Variants in EMP2 observed in about 807,000 individuals in gnomAD.
The protein encoded by EMP2 is epithelial membrane protein 2.
A neutral mutation model predicts 13.7 loss-of-function variants in EMP2; 19 were observed. The observed-to-expected ratio is 1.38, with a 90% CI of 0.97 to 2.03. The LOEUF (loss-of-function observed/expected upper bound fraction) is 2.03, where lower values mean the gene tolerates loss of function less well. Among genes scored for constraint, EMP2 ranks in the 30% most tolerant of loss-of-function variants. The pLI is 0.00. For synonymous variants in EMP2, 97 were observed against 84.7 expected, an observed-to-expected ratio of 1.15 and a Z score of -0.80; for missense variants, 253 against 220.7, an observed-to-expected ratio of 1.15 and a Z score of -0.93.
intron 1 of EMP2, among the ~76,000 whole-genome samples, chr16:10,553,742 T>G (rs551363414): frequency 6.6e-6 from 1 of 152,372 alleles, no homozygotes; most frequent in Admixed American, 6.5e-5. Context: ...ACACCACAAT[T>G]TACTTAACTG....
At chr16:10,543,534 A>C in intron 3 of EMP2, 36 bp downstream of exon 3, 2 of 1,607,348 alleles carry the variant, frequency 1.2e-6, no homozygotes, top group Non-Finnish European at 1.7e-6. Context: ...TTCCTCCCTC[A>C]GTGCTTCTCA....
intron 1 of EMP2, among the ~76,000 whole-genome samples, chr16:10,575,520 C>T (rs2050978515): frequency 6.6e-6 from 1 of 151,916 alleles, no homozygotes; most frequent in African/African-American, 2.4e-5. Context: ...TCCCAAAGTT[C>T]TGGGATTACA....
intron 4 of EMP2, among the ~76,000 whole-genome samples, chr16:10,533,478 G>A (rs1213123358): frequency 6.6e-6 from 1 of 152,132 alleles, no homozygotes; most frequent in Non-Finnish European, 1.5e-5. Context: ...TGTTTGGGCA[G>A]CCACATCACC....
chr16:10,543,112 C>G (rs1380538952), intron 3 of EMP2, among the ~76,000 whole-genome samples: 1 of 152,166 alleles, frequency 6.6e-6, no homozygotes, highest in Non-Finnish European at 1.5e-5. Flanking sequence ...TCCCAAAGTG[C>G]TGGGATTACA....
At chr16:10,546,486 T>G (rs902998390) in intron 2 of EMP2, 1 of 152,150 alleles carries the variant, frequency 6.6e-6, no homozygotes, top group African/African-American at 2.4e-5. Flanking sequence ...AAATTTTTCA[T>G]AGGGGCATAG....
At chr16:10,536,879 C>T (rs1040824068) in intron 4 of EMP2, among the ~76,000 whole-genome samples, 5 of 152,168 alleles carry the variant, frequency 3.3e-5, no homozygotes, top group African/African-American at 9.7e-5. Flanking sequence ...CATGGGCCTC[C>T]CAAAGTGCTC....
At chr16:10,533,690 C>T (rs767239662) in intron 4 of EMP2, among the ~76,000 whole-genome samples, 4 of 152,162 alleles carry the variant, frequency 2.6e-5, no homozygotes, top group Non-Finnish European at 1.5e-5. Context: ...AAACATGTGG[C>T]AGGCCAGATT....
At chr16:10,574,206 G>A (rs541672496) in intron 1 of EMP2, among the ~76,000 whole-genome samples, 9 of 152,112 alleles carry the variant, frequency 5.9e-5, no homozygotes, top group Non-Finnish European at 1.2e-4. Context: ...CCAAAGTGCT[G>A]GGATTAGAGG....
intron 1 of EMP2, among the ~76,000 whole-genome samples, chr16:10,566,907 C>T (rs578137752): frequency 2.0e-5 from 3 of 152,186 alleles, no homozygotes; most frequent in South Asian, 4.2e-4. Context: ...CCTTCTTTGT[C>T]CCCAACAAAC....
In EMP2 at chr16:10,537,910, G is replaced by C. The variant is rs2050661496; in HGVS notation, c.316+18C>G. On this transcript the variant is annotated intron_variant, in intron 4 of 4. Coordinates refer to ENST00000359543, the MANE Select transcript of EMP2 (RefSeq NM_001424.6). ...TTCCAGAAAGCCCCTTGTTAGGGAAGCCCGTTGATGTACTTACATGACATT... is the reference window on the plus strand; with the variant it reads ...TTCCAGAAAGCCCCTTGTTAGGGAACCCCGTTGATGTACTTACATGACATT... The C allele has an allele frequency of 1.9e-6, 3 of 1,609,780 alleles. No homozygotes were observed. Among genetic ancestry groups the C allele is most frequent in the Non-Finnish European group, 2.6e-6 (3 of 1,176,410 alleles).
chr16:10,538,189 G>A (rs1567201035), intron 3 of EMP2, 115 bp from the exon 4 acceptor site: 4 of 1,291,584 alleles, frequency 3.1e-6, no homozygotes, highest in Admixed American at 4.2e-5. Context: ...ACAGGAAGGG[G>A]TTCAGGCGGT....
chr16:10,559,305 C>T (rs916438963), intron 1 of EMP2, among the ~76,000 whole-genome samples: 18 of 152,358 alleles, frequency 1.2e-4, no homozygotes, highest in Admixed American at 7.8e-4. Flanking sequence ...GGACACCAGC[C>T]AGCCAGGAGT....
Position 10,580,472 on chromosome 16 carries a change from G to C in EMP2, c.-61+77C>G, listed in dbSNP as rs2051020057. On this transcript the variant is annotated intron_variant, in intron 1 of 4. Coordinates refer to ENST00000359543, the MANE Select transcript of EMP2 (RefSeq NM_001424.6). This position sits in a 1 kb window ranked among gnomAD's most constrained non-coding sequence, Gnocchi z 4.3. ...CCGGTCCAGTAAGTGGAGGGGTCGCGTCCCTGCTGCCCGGGCGTACACGAT... is the reference window on the plus strand; with the variant it reads ...CCGGTCCAGTAAGTGGAGGGGTCGCCTCCCTGCTGCCCGGGCGTACACGAT... 1 of 152,296 alleles carries C rather than the reference G, an allele frequency of 6.6e-6. No homozygotes were observed. Among genetic ancestry groups the C allele is most frequent in the Admixed American group, 6.5e-5 (1 of 15,290 alleles). The allele number at this position is 152,296 out of a possible 1,614,324, so 9.4% of individuals were successfully genotyped here. A position where few individuals can be genotyped will look rare whatever the true frequency, so the allele number is the denominator to read the frequency against.
intron 1 of EMP2, among the ~76,000 whole-genome samples, chr16:10,570,165 G>A (rs1348170999): frequency 6.6e-6 from 1 of 151,876 alleles, no homozygotes; most frequent in Non-Finnish European, 1.5e-5. Context: ...CAGAACTAAT[G>A]GCAGAGGAGA....
intron 1 of EMP2, chr16:10,578,096 G>C (rs948616448): frequency 6.6e-6 from 1 of 151,962 alleles, no homozygotes; most frequent in Non-Finnish European, 1.5e-5. Context: ...TTTTCATCTC[G>C]ACAGACTTCC....
At chr16:10,560,297 G>A (rs1011378957) in intron 1 of EMP2, among the ~76,000 whole-genome samples, 2 of 152,194 alleles carry the variant, frequency 1.3e-5, no homozygotes, top group African/African-American at 4.8e-5. Context: ...AGAGAACACA[G>A]GTCATCCCCG....
chr16:10,542,271 G>T (rs2050705915), intron 3 of EMP2, among the ~76,000 whole-genome samples: 1 of 152,050 alleles, frequency 6.6e-6, no homozygotes, highest in Admixed American at 6.6e-5. Context: ...GGTGGTGAGT[G>T]CCTGTAGTCC....
chr16:10,569,847 G>A (rs544282828), intron 1 of EMP2, among the ~76,000 whole-genome samples: 1 of 152,278 alleles, frequency 6.6e-6, no homozygotes, highest in Non-Finnish European at 1.5e-5. Flanking sequence ...GTGACCCCAT[G>A]TCACACTGGT....
At chr16:10,557,089 G>C (rs578055514) in intron 1 of EMP2, among the ~76,000 whole-genome samples, 1 of 152,336 alleles carries the variant, frequency 6.6e-6, no homozygotes, top group African/African-American at 2.4e-5. Flanking sequence ...GGGTGCAGTG[G>C]CTCATGGCTA....
Sources: gnomAD v4.1 joint callset for allele counts (sites outside exome capture counted in the v4.1 genomes callset) on GRCh38, gnomAD v4.1.1 for gene constraint, Gnocchi (gnomAD v3.1) non-coding constraint, MANE v1.5 for transcripts, NCBI Gene and HGNC (gene_info 2026-07-23, HGNC 2026-07-21) for gene names.